The following NPAS2 variants were observed in gnomAD, a reference collection of about 807,000 sequenced individuals.
NPAS2 encodes neuronal PAS domain-containing protein 2.
Under a neutral mutation model 107.5 loss-of-function variants are expected in NPAS2, and 23 were observed. The observed-to-expected ratio is 0.21, with a 90% confidence interval of 0.15 to 0.30. The LOEUF is 0.30. NPAS2 is among the 10% of genes least tolerant of loss of function. The pLI is 1.00. For synonymous variants in NPAS2, 403 were observed against 417.5 expected (o/e 0.97, Z 0.42); for missense variants, 756 against 1,043.3 (o/e 0.72, Z 3.79).
At chr2:100,843,347 T>C (rs1677568179) in intron 1 of NPAS2, among the ~76,000 whole-genome samples, 1 of 152,170 alleles carries the variant, frequency 6.6e-6, no homozygotes, top group African/African-American at 2.4e-5. Flanking sequence ...TCATTGGCTA[T>C]AAAGCCTCCC....
chr2:100,963,543 C>A (rs923095898), intron 7 of NPAS2, among the ~76,000 whole-genome samples: 7 of 152,116 alleles, frequency 4.6e-5, no homozygotes, highest in African/African-American at 1.7e-4. Flanking sequence ...GGATTACAGG[C>A]ACACACCACC....
chr2:100,888,557 A>G (rs1299806435), intron 1 of NPAS2, among the ~76,000 whole-genome samples: 1 of 152,064 alleles, frequency 6.6e-6, no homozygotes. Context: ...CATAGTTACT[A>G]CCTTTATTCT....
At chr2:100,905,862 G>C (rs4851378) in intron 2 of NPAS2, among the ~76,000 whole-genome samples, 97,285 of 152,010 alleles carry the variant, frequency 0.64, 31,837 homozygotes, top group Non-Finnish European at 0.72. Context: ...GGCAGCTGTC[G>C]TTCCATGTCA....
chr2:100,988,955 GCGCCCCC>G (rs1677947469), intron 17 of NPAS2: 3 of 221,118 alleles, frequency 1.4e-5, no homozygotes, highest in Non-Finnish European at 8.6e-6. Flanking sequence ...GTTCCTCCAG[GCGCCCCC>G]TGCTCCTCCA....
intron 1 of NPAS2, among the ~76,000 whole-genome samples, chr2:100,826,516 T>C (rs1676392588): frequency 1.3e-5 from 2 of 152,220 alleles, no homozygotes; most frequent in South Asian, 4.1e-4. Context: ...CAACTTAATA[T>C]GGCATGGATT....
chr2:100,988,211 C>G lies in NPAS2; in HGVS notation c.1762C>G (p.Gln588Glu), dbSNP rs1376102107. ...CGGGGCGGGCCCCCAACTTCCAGGGCAGATCTCCTCTGCCCAGGTCACAAG... is the reference window on the plus strand; with the variant it reads ...CGGGGCGGGCCCCCAACTTCCAGGGGAGATCTCCTCTGCCCAGGTCACAAG... ...QLGAGPQLPG[Q>E]ISSAQVTSQH... Residue 588 changes from glutamine (Q) to glutamate (E), a missense_variant, in exon 17 of 21, where the codon CAG (glutamine) becomes GAG (glutamate). By Grantham distance (29) the Gln-to-Glu change is conservative. Transcript: ENST00000335681. 4 of 1,614,032 alleles carry G rather than the reference C, an allele frequency of 2.5e-6. No individual in the cohort carries two copies. The highest frequency in any genetic ancestry group is 3.4e-6 in the Non-Finnish European group (4 of 1,180,056).
At chr2:100,981,376 C>T (rs556061787) in intron 15 of NPAS2, among the ~76,000 whole-genome samples, 8 of 152,278 alleles carry the variant, frequency 5.3e-5, no homozygotes, top group East Asian at 1.9e-4. Context: ...GTCATAGCCC[C>T]GAAGAGCCCA....
At chr2:100,920,522 C>G (rs1683152112) in intron 2 of NPAS2, among the ~76,000 whole-genome samples, 2 of 152,142 alleles carry the variant, frequency 1.3e-5, no homozygotes, top group Non-Finnish European at 2.9e-5. Flanking sequence ...GAGTGCCTTT[C>G]TGCTCAATCC....
chr2:100,964,290 G>A, intron 8 of NPAS2, 114 bp downstream of exon 8: 1 of 787,978 alleles, frequency 1.3e-6, no homozygotes. Context: ...GTTGTCACTG[G>A]CTTTGAAAAT....
chr2:100,971,873 G>T (rs1349226036), intron 12 of NPAS2, among the ~76,000 whole-genome samples: 2 of 151,276 alleles, frequency 1.3e-5, no homozygotes, highest in African/African-American at 2.4e-5. Context: ...AAAAAAGCAA[G>T]AAAGGGAGGG....
intron 3 of NPAS2, among the ~76,000 whole-genome samples, chr2:100,932,689 G>C (rs1684037262): frequency 6.6e-6 from 1 of 151,228 alleles, no homozygotes; most frequent in Non-Finnish European, 1.5e-5. Flanking sequence ...CCATAGAGAA[G>C]GTGGGGGATG....
chr2:100,936,219 G>C (rs554083915), intron 4 of NPAS2, among the ~76,000 whole-genome samples: 182 of 152,302 alleles, frequency 1.2e-3, no homozygotes, highest in African/African-American at 4.3e-3. Context: ...TTCATGCACT[G>C]CTCGTGGCCT....
At chr2:100,923,493 C>A (rs966846814) in intron 2 of NPAS2, among the ~76,000 whole-genome samples, 1 of 152,016 alleles carries the variant, frequency 6.6e-6, no homozygotes, top group Non-Finnish European at 1.5e-5. Context: ...CCTTTTGTGT[C>A]CAAGGGCTGT....
At chr2:100,847,626 T>C (rs1182980594) in intron 1 of NPAS2, among the ~76,000 whole-genome samples, 2 of 152,208 alleles carry the variant, frequency 1.3e-5, no homozygotes, top group Non-Finnish European at 2.9e-5. Flanking sequence ...CACCTTGGCC[T>C]CCCAAAGTGC....
Position 100,990,770 on chromosome 2 carries a change from C to T in NPAS2, c.2019-10C>T, listed in dbSNP as rs903013791. 1 of 1,613,530 alleles carries T rather than the reference C, an allele frequency of 6.2e-7. No homozygotes were observed. Among genetic ancestry groups the T allele is most frequent in the Non-Finnish European group, 8.5e-7 (1 of 1,179,400 alleles). ...TGATCAGTTTCCTATTTCCCCACCT[C>T]TGCTTAAAGGCTGTTGCTGAGCCAG... On this transcript the variant is annotated splice_polypyrimidine_tract_variant and intron_variant, in intron 18 of 20. Transcript: ENST00000335681.
intron 1 of NPAS2, among the ~76,000 whole-genome samples, chr2:100,838,165 T>C (rs538747881): frequency 3.9e-4 from 59 of 150,146 alleles, no homozygotes; most frequent in African/African-American, 1.4e-3. Context: ...TTGTCATCCC[T>C]GGGTTAGCTT....
chr2:100,885,453 A>G (rs1164099443), intron 1 of NPAS2, among the ~76,000 whole-genome samples: 1 of 152,204 alleles, frequency 6.6e-6, no homozygotes, highest in Non-Finnish European at 1.5e-5. Flanking sequence ...GTATATGTGT[A>G]TGTGGCCTTG....
intron 1 of NPAS2, among the ~76,000 whole-genome samples, chr2:100,834,097 G>A (rs1195836126): frequency 2.6e-5 from 4 of 152,012 alleles, no homozygotes; most frequent in East Asian, 1.9e-4. Context: ...GAGCTTGCCC[G>A]GCACCGAACA....
At chr2:100,993,122 C>T (rs971591500) in intron 19 of NPAS2, among the ~76,000 whole-genome samples, 13 of 151,806 alleles carry the variant, frequency 8.6e-5, no homozygotes, top group South Asian at 2.1e-4. Context: ...TTAGTAGAGA[C>T]GGGGGTTTCA....
Sources: allele counts gnomAD v4.1 joint callset (sites outside exome capture counted in the v4.1 genomes callset), GRCh38; gene constraint gnomAD v4.1.1; transcripts MANE v1.5; gene names NCBI Gene and HGNC (gene_info 2026-07-23, HGNC 2026-07-21).